Variants in PIEZO2 observed in about 807,000 individuals in gnomAD.
PIEZO2 encodes piezo-type mechanosensitive ion channel component 2.
Under a neutral mutation model 337.3 loss-of-function variants are expected in PIEZO2, and 172 were observed. The ratio of observed to expected loss-of-function variants is 0.51; its 90% CI spans 0.45 to 0.58. The LOEUF (loss-of-function observed/expected upper bound fraction) is 0.58, where lower values mean the gene tolerates loss of function less well. PIEZO2 is among the 20% of genes least tolerant of loss of function. PIEZO2 has a pLI of 0.00. For missense variants in PIEZO2, 3,028 were observed against 3,391.3 expected, an observed-to-expected ratio of 0.89 and a Z score of 2.66; for synonymous variants, 1,251 against 1,228.5, an observed-to-expected ratio of 1.02 and a Z score of -0.38.
At position 10,763,065 on chromosome 18, in the gene PIEZO2, A is replaced by G. The variant is rs1479442698; in HGVS notation, c.2980T>C (p.Trp994Arg). The change falls in exon 22 of 56, where the codon TGG becomes CGG. Residue 994 changes from tryptophan to arginine, a missense_variant. Trp to Arg is a moderately radical substitution (Grantham distance 101, BLOSUM62 -3). This residue lies in a region of PIEZO2 where 1,925 missense variants were observed against 2,051.9 expected (regional missense o/e 0.94). Transcript: ENST00000674853. The part of the protein sequence containing the change: ...SLFNYVFLIS[W>R]AFALPYAKLR... ...TTGGCGTACGGCAGAGCAAAAGCCC[A>G]AGAAATCAAAAATACATAGTTGAAC... is the stretch of plus-strand genomic sequence containing the variant. 6.5e-7 allele frequency: 1 copy of G among 1,537,348 alleles called. No homozygotes were observed.
At chr18:10,715,051 T>C in intron 38 of PIEZO2, 121 bp from the exon 39 acceptor site, 1 of 990,824 alleles carries the variant, frequency 1.0e-6, no homozygotes, top group South Asian at 1.9e-5. Context: ...ATTAGGACCA[T>C]GCTAGGCAAG....
At chr18:11,023,987 G>A (rs113528119) in intron 2 of PIEZO2, among the ~76,000 whole-genome samples, 8,586 of 152,218 alleles carry the variant, frequency 0.056, 732 homozygotes, top group African/African-American at 0.18. Context: ...CAGCTGGCCC[G>A]CAAGCCCCAC....
intron 7 of PIEZO2, among the ~76,000 whole-genome samples, chr18:10,831,237 C>A (rs905951202): frequency 6.6e-6 from 1 of 152,146 alleles, no homozygotes; most frequent in Non-Finnish European, 1.5e-5. Context: ...ATGTTTACTG[C>A]GGCACTCTTC....
At position 10,763,108 on chromosome 18, in the gene PIEZO2, T is replaced by C; in HGVS notation, c.2947-10A>G. On this transcript the variant is annotated splice_polypyrimidine_tract_variant and intron_variant, in intron 21 of 55. Coordinates refer to ENST00000674853, the MANE Select transcript of PIEZO2 (RefSeq NM_001378183.1). ...AGTTGAACAGAGACACCTGAAAACG[T>C]AAAACCAGAAATGGGGACAAAAATA... 1 of 1,535,482 alleles carries C rather than the reference T, an allele frequency of 6.5e-7. No homozygotes were observed. Among genetic ancestry groups the C allele is most frequent in the Non-Finnish European group, 8.7e-7 (1 of 1,146,144 alleles).
At chr18:10,908,486 G>C (rs1478846846) in intron 4 of PIEZO2, 3 of 152,170 alleles carry the variant, frequency 2.0e-5, no homozygotes, top group African/African-American at 4.8e-5. Context: ...CCCTTTAAGA[G>C]AAAGAACAGG....
chr18:10,726,735 C>G lies in PIEZO2; in HGVS notation c.5029+4672G>C, dbSNP rs1389639444. On this transcript the variant is annotated intron_variant, in intron 36 of 55. Coordinates refer to ENST00000674853, the MANE Select transcript of PIEZO2 (RefSeq NM_001378183.1). The surrounding 1 kb of genome is among the most constrained non-coding windows in gnomAD (Gnocchi z 5.9). The stretch of plus-strand genomic sequence containing the variant: ...GCATCCTGTGCATTCTGGGACATCG[C>G]CAGACCATCGATTTCCCGCTGCTGA... The G allele has an allele frequency of 5.5e-6, 8 of 1,452,252 alleles. No homozygotes were observed. The highest frequency in any genetic ancestry group is 7.7e-6 in the Non-Finnish European group (8 of 1,037,284). 90.0% of individuals were successfully genotyped at this position (1,452,252 alleles called of 1,614,324 possible).
Position 10,671,746 on chromosome 18 carries a change from C to A in PIEZO2, c.8379G>T (p.Val2793=). Residue 2793 remains valine, a synonymous_variant, in exon 56 of 56, where the codon GTG becomes GTT. Coordinates refer to ENST00000674853, the MANE Select transcript of PIEZO2 (RefSeq NM_001378183.1). ...IMGLYASVVL[V]IGKFVREFFS... is the part of the protein sequence containing the mutation. ...AGAATTCACGGACAAATTTCCCAAT[C>A]ACAAGGACAACTGAAGCATATAATC... 1 of 1,613,680 alleles carries A rather than the reference C, an allele frequency of 6.2e-7. No homozygotes were observed. Among genetic ancestry groups the A allele is most frequent in the Non-Finnish European group, 8.5e-7 (1 of 1,179,830 alleles).
At position 11,129,101 on chromosome 18, in the gene PIEZO2, A is replaced by C. The variant is rs1368238210; in HGVS notation, c.64+19424T>G. On this transcript the variant is annotated intron_variant, in intron 1 of 55. Transcript: ENST00000674853. The surrounding 1 kb of genome is among the most constrained non-coding windows in gnomAD (Gnocchi z 4.6). Reference sequence around the variant, plus strand: ...AGTTTAATGTAGAGGAAGGGATCCAAAGGCTTAGGGAGATTGGGATGGTGG... The same window carrying C: ...AGTTTAATGTAGAGGAAGGGATCCACAGGCTTAGGGAGATTGGGATGGTGG... 6.6e-6 allele frequency among the ~76,000 whole-genome samples: 1 copy of C among 152,190 alleles called. No homozygotes were observed. The highest frequency in any genetic ancestry group is 1.5e-5 in the Non-Finnish European group (1 of 68,034).
chr18:11,108,993 CCT>C (rs1348792845), intron 1 of PIEZO2, among the ~76,000 whole-genome samples: 7 of 152,336 alleles, frequency 4.6e-5, no homozygotes, highest in South Asian at 2.1e-4. Context: ...GAACTTGCCC[CCT>C]GTCAGTACCA....
chr18:10,970,076 T>C lies in PIEZO2; in HGVS notation c.286+9459A>G, dbSNP rs139432188. On this transcript the variant is annotated intron_variant, in intron 3 of 55. Coordinates refer to ENST00000674853, the MANE Select transcript of PIEZO2 (RefSeq NM_001378183.1). ...ATGGGAGAACATATAAAATCAGTGATTATCACTCAACATTAAAAGTTTAAT... is the reference window on the plus strand; with the variant it reads ...ATGGGAGAACATATAAAATCAGTGACTATCACTCAACATTAAAAGTTTAAT... 3.5e-4 allele frequency among the ~76,000 whole-genome samples: 54 copies of C among 152,296 alleles called. No individual in the cohort carries two copies. The East Asian group carries it at 9.5e-3, about 27-fold the overall frequency.
At chr18:10,680,084 A>G in intron 52 of PIEZO2, 115 bp downstream of exon 52, 1 of 862,204 alleles carries the variant, frequency 1.2e-6, no homozygotes, top group Non-Finnish European at 1.8e-6. Context: ...ATGATAAAGT[A>G]AGATCCACAT....
rs1007292054 is a variant in PIEZO2 at position 11,096,655 on chromosome 18, A to AAC, written c.65-30435_65-30434dup. Among the ~76,000 whole-genome samples, 2 of 152,112 alleles carry AAC rather than the reference A, an allele frequency of 1.3e-5. No individual in the cohort carries two copies. The highest frequency in any genetic ancestry group is 2.9e-5 in the Non-Finnish European group (2 of 68,030). On this transcript the variant is annotated intron_variant, in intron 1 of 55. Coordinates refer to ENST00000674853, the MANE Select transcript of PIEZO2 (RefSeq NM_001378183.1). The surrounding 1 kb of genome is among the most constrained non-coding windows in gnomAD (Gnocchi z 4.6). ...CCCTTCACCCTCATCTCCCCCACCC[A>AAC]ACACACACACGTATCTACCTCTTGT...
chr18:10,898,283 T>C (rs969876797), intron 4 of PIEZO2, among the ~76,000 whole-genome samples: 4 of 151,974 alleles, frequency 2.6e-5, no homozygotes, highest in Non-Finnish European at 2.9e-5. Flanking sequence ...TAGCCGGGCG[T>C]GGTGGCAGGT....
At chr18:10,810,781 G>T (rs2040163458) in intron 7 of PIEZO2, among the ~76,000 whole-genome samples, 1 of 152,046 alleles carries the variant, frequency 6.6e-6, no homozygotes, top group Non-Finnish European at 1.5e-5. Flanking sequence ...CCACTCCTTG[G>T]CAATGAAGAT....
chr18:11,044,310 T>C (rs761120635), intron 2 of PIEZO2, among the ~76,000 whole-genome samples: 2 of 152,066 alleles, frequency 1.3e-5, no homozygotes, highest in African/African-American at 2.4e-5. Flanking sequence ...AACTTAAGCA[T>C]TGAAAATAAA....
At position 10,791,328 on chromosome 18, in the gene PIEZO2, A is replaced by G. The variant is rs1409706811; in HGVS notation, c.1759-4T>C. 6.7e-7 allele frequency: 1 copy of G among 1,491,396 alleles called. No individual in the cohort carries two copies. Among genetic ancestry groups the G allele is most frequent in the African/African-American group, 1.4e-5 (1 of 70,762 alleles). 92.4% of individuals were successfully genotyped at this position (1,491,396 alleles called of 1,614,324 possible). A position where few individuals can be genotyped will look rare whatever the true frequency, so the allele number is the denominator to read the frequency against. On this transcript the variant is annotated splice_region_variant and splice_polypyrimidine_tract_variant and intron_variant, in intron 13 of 55. Coordinates refer to ENST00000674853, the MANE Select transcript of PIEZO2 (RefSeq NM_001378183.1). ...AAAAAGTAATGGTGAAAAGGATCTG[A>G]AAGTAGAGAAGCAGCAAAACAAGAA...
chr18:10,709,053 T>G (rs541008881), intron 39 of PIEZO2: 1 of 152,246 alleles, frequency 6.6e-6, no homozygotes, highest in African/African-American at 2.4e-5. Flanking sequence ...TAATATGCAG[T>G]GGATATAAAC....
rs1440776535 is a variant in PIEZO2 at position 11,070,627 on chromosome 18, G to T, written c.65-4405C>A. On this transcript the variant is annotated intron_variant, in intron 1 of 55. Transcript: ENST00000674853. The surrounding 1 kb of genome is among the most constrained non-coding windows in gnomAD (Gnocchi z 4.3). ...GAAGTCCACTGCAAAAGGGAGACTAGACTGTCGTGACTGCCGGTAAGGATG... is the reference window on the plus strand; with the variant it reads ...GAAGTCCACTGCAAAAGGGAGACTATACTGTCGTGACTGCCGGTAAGGATG... 6.6e-6 allele frequency among the ~76,000 whole-genome samples: 1 copy of T among 152,216 alleles called. No homozygotes were observed. Among genetic ancestry groups the T allele is most frequent in the African/African-American group, 2.4e-5 (1 of 41,460 alleles).
In PIEZO2 at chr18:10,759,775, G is replaced by A. The variant is rs571800639; in HGVS notation, c.3585C>T (p.Cys1195=). The change falls in exon 25 of 56, where the codon TGC becomes TGT. Residue 1195 remains cysteine (C), a synonymous_variant. Coordinates refer to ENST00000674853, the MANE Select transcript of PIEZO2 (RefSeq NM_001378183.1). The surrounding 1 kb of genome is among the most constrained non-coding windows in gnomAD (Gnocchi z 5.5). ...AGGTGATGATGCATGCCAGGAAGCA[G>A]CAGTACTTGGGCCAGATCTCTGCGA... ...KAIAEIWPKY[C]CFLACIITFQ... 1 of 1,537,334 alleles carries A rather than the reference G, an allele frequency of 6.5e-7. No homozygotes were observed. Among genetic ancestry groups the A allele is most frequent in the South Asian group, 1.2e-5 (1 of 84,066 alleles).
Sources: gnomAD v4.1 joint callset for allele counts (sites outside exome capture counted in the v4.1 genomes callset) on GRCh38, gnomAD v4.1.1 for gene constraint, gnomAD v4.1.1 regional missense constraint, Gnocchi (gnomAD v3.1) non-coding constraint, MANE v1.5 for transcripts, NCBI Gene and HGNC (gene_info 2026-07-23, HGNC 2026-07-21) for gene names.